The following MLLT3 variants were observed in gnomAD, a reference collection of about 807,000 sequenced individuals.
MLLT3 encodes the protein protein AF-9.
MLLT3 carries 4 observed loss-of-function variants against 53.2 expected under a neutral mutation model. That is an observed-to-expected ratio of 0.08 (90% confidence interval 0.04 to 0.17). The LOEUF is 0.17. Ranked by LOEUF, MLLT3 falls within the 10% of genes least tolerant of loss-of-function variation. The pLI is 1.00. For synonymous variants in MLLT3, 283 were observed against 230.6 expected (o/e 1.23, Z -2.06); for missense variants, 569 against 684.0 (o/e 0.83, Z 1.87).
chr9:20,582,639 A>T (rs1204367254), intron 2 of MLLT3, among the ~76,000 whole-genome samples: 1 of 152,152 alleles, frequency 6.6e-6, no homozygotes, highest in South Asian at 2.1e-4. Flanking sequence ...ATGGCTGCGG[A>T]GGCCTCAGAA....
intron 4 of MLLT3, among the ~76,000 whole-genome samples, chr9:20,433,934 G>T (rs990394190): frequency 1.3e-4 from 20 of 149,374 alleles, no homozygotes; most frequent in African/African-American, 4.8e-4. Flanking sequence ...CCAACATGAT[G>T]AAACCCTGTC....
chr9:20,570,527 T>A (rs115531089), intron 2 of MLLT3, among the ~76,000 whole-genome samples: 2,676 of 152,302 alleles, frequency 0.018, 76 homozygotes, highest in African/African-American at 0.06. Context: ...TATTTTTGTT[T>A]AAATGAGATT....
rs187459694 is a variant in MLLT3, at chr9:20,610,957, T to C, written c.193+9697A>G. Among the ~76,000 whole-genome samples, 31 of 152,266 alleles carry C rather than the reference T, an allele frequency of 2.0e-4. No homozygotes were observed. The East Asian group carries it at 2.5e-3, about 12-fold the overall frequency. On this transcript the variant is annotated intron_variant, in intron 2 of 10. Transcript: ENST00000380338. Reference sequence around the variant, plus strand: ...AACAGCCCAAATCCCCCATGTTTCATTGACTCTATAAAACAGCTGCTTATT... The same window carrying C: ...AACAGCCCAAATCCCCCATGTTTCACTGACTCTATAAAACAGCTGCTTATT...
rs1283715083 is a variant in MLLT3, at chr9:20,576,005, T to G, written c.193+44649A>C. Among the ~76,000 whole-genome samples the G allele has an allele frequency of 2.6e-5, 4 of 152,250 alleles. No individual in the cohort carries two copies. The East Asian group carries it at 7.7e-4, about 29-fold the overall frequency. On this transcript the variant is annotated intron_variant, in intron 2 of 10. Transcript: ENST00000380338. Reference sequence around the variant, plus strand: ...GGCCGTTTCACCTACATTGAAAATCTGTTGTTTAGTGTAGCCACCTTCCTC... The same window carrying G: ...GGCCGTTTCACCTACATTGAAAATCGGTTGTTTAGTGTAGCCACCTTCCTC...
At chr9:20,514,141 G>A (rs891300581) in intron 2 of MLLT3, among the ~76,000 whole-genome samples, 8 of 152,204 alleles carry the variant, frequency 5.3e-5, no homozygotes, top group Non-Finnish European at 7.3e-5. Flanking sequence ...AACTCATTCC[G>A]GATTTTCCTT....
In MLLT3 at chr9:20,622,457, A is replaced by AAGC. The variant is rs553374979; in HGVS notation, c.-204_-202dup. On this transcript the variant is annotated 5_prime_UTR_variant, in exon 1 of 11. Transcript: ENST00000380338. The stretch of plus-strand genomic sequence containing the variant: ...TTATTAAACTCAGCCCCAAAAGCAA[A>AAGC]AGCAGCAGCAGCAGCAGCAGCTCCA... The AAGC allele has an allele frequency of 1.3e-4, 70 of 534,658 alleles. No individual in the cohort carries two copies. The Middle Eastern group carries it at 1.7e-3, about 13-fold the overall frequency. The allele number at this position is 534,658 out of a possible 1,614,324, so 33.1% of individuals were successfully genotyped here.
At chr9:20,585,659 T>C (rs1433138126) in intron 2 of MLLT3, among the ~76,000 whole-genome samples, 1 of 152,312 alleles carries the variant, frequency 6.6e-6, no homozygotes, top group East Asian at 1.9e-4. Context: ...TCTAATGACG[T>C]GATATTGAGC....
rs1318822432 is a variant in MLLT3 at position 20,598,887 on chromosome 9, C to G, written c.193+21767G>C. Reference sequence around the variant, plus strand: ...AGAGTTACTTTCCTCAAACCCTATTCTGCTGCTTTAGGCTTCTGATTAGGT... The same window carrying G: ...AGAGTTACTTTCCTCAAACCCTATTGTGCTGCTTTAGGCTTCTGATTAGGT... On this transcript the variant is annotated intron_variant, in intron 2 of 10. Transcript: ENST00000380338. Among the ~76,000 whole-genome samples, 4 of 152,184 alleles carry G rather than the reference C, an allele frequency of 2.6e-5. No individual in the cohort carries two copies. The South Asian group carries it at 6.2e-4, about 24-fold the overall frequency.
At chr9:20,455,927 CTTTTTTTTTT>C (rs780438955) in intron 3 of MLLT3, among the ~76,000 whole-genome samples, 1 of 116,874 alleles carries the variant, frequency 8.6e-6, no homozygotes, top group African/African-American at 3.3e-5. Flanking sequence ...CTGCTAAAAA[CTTTTTTTTTT>C]TTTTTTTTTT....
rs150296751 is a variant in MLLT3, at chr9:20,383,554, C to T, written c.1126-17810G>A. ...GTAATAGTGGTACCAATTCATATCG[C>T]TAATGTTAGAATGTTGACAACGCAA... On this transcript the variant is annotated intron_variant, in intron 5 of 10. Transcript: ENST00000380338. Among the ~76,000 whole-genome samples the T allele has an allele frequency of 5.8e-3, 879 of 151,908 alleles. 3 individuals carry two copies. Among genetic ancestry groups the T allele is most frequent in the Middle Eastern group, 0.017 (5 of 294 alleles).
At chr9:20,352,410 C>T (rs117375258) in intron 10 of MLLT3, among the ~76,000 whole-genome samples, 16 of 152,236 alleles carry the variant, frequency 1.1e-4, no homozygotes, top group African/African-American at 2.4e-4. Context: ...GGTAAAACAA[C>T]GTTCGGTTCT....
At chr9:20,457,301 T>C (rs1041722331) in intron 2 of MLLT3, among the ~76,000 whole-genome samples, 1 of 136,924 alleles carries the variant, frequency 7.3e-6, no homozygotes, top group Non-Finnish European at 1.5e-5. Context: ...CAGGCTGGAG[T>C]GCAATGGTGT....
chr9:20,366,506 C>T (rs932713569), intron 5 of MLLT3, among the ~76,000 whole-genome samples: 6 of 152,120 alleles, frequency 3.9e-5, no homozygotes, highest in East Asian at 1.9e-4. Context: ...AATAAACATA[C>T]GTGTGCATGT....
At chr9:20,368,996 A>G (rs1186962007) in intron 5 of MLLT3, among the ~76,000 whole-genome samples, 3 of 152,222 alleles carry the variant, frequency 2.0e-5, no homozygotes, top group Non-Finnish European at 4.4e-5. Context: ...GGACAACAGA[A>G]TGACAGGAGG....
chr9:20,576,639 C>A (rs75134688), intron 2 of MLLT3, among the ~76,000 whole-genome samples: 1 of 151,964 alleles, frequency 6.6e-6, no homozygotes, highest in Non-Finnish European at 1.5e-5. Context: ...TATATGGGCA[C>A]GCTTCATGGC....
intron 2 of MLLT3, among the ~76,000 whole-genome samples, chr9:20,597,278 T>C (rs1490128129): frequency 6.6e-6 from 1 of 152,026 alleles, no homozygotes; most frequent in Non-Finnish European, 1.5e-5. Context: ...TGAAGTACTT[T>C]TATTTATCTA....
At chr9:20,386,540 A>G (rs1822041165) in intron 5 of MLLT3, among the ~76,000 whole-genome samples, 1 of 152,228 alleles carries the variant, frequency 6.6e-6, no homozygotes, top group African/African-American at 2.4e-5. Flanking sequence ...GGAGTAATGA[A>G]CATTGCAGAA....
chr9:20,555,544 A>G (rs1362262422), intron 2 of MLLT3, among the ~76,000 whole-genome samples: 1 of 152,218 alleles, frequency 6.6e-6, no homozygotes, highest in Middle Eastern at 3.2e-3. Context: ...AAACCGGGCT[A>G]TGTATAACAT....
rs73648235 is a variant in MLLT3 at position 20,603,290 on chromosome 9, A to C, written c.193+17364T>G. 7.6e-3 allele frequency among the ~76,000 whole-genome samples: 1,153 copies of C among 152,210 alleles called. 16 individuals carry two copies. The highest frequency in any genetic ancestry group is 0.026 in the African/African-American group (1,079 of 41,554). ...ATAGGTTAGCCTTCTATTTATAACC[A>C]GAAAACTTAGAGCCACCTGTTTCAG... is the stretch of plus-strand genomic sequence containing the variant. On this transcript the variant is annotated intron_variant, in intron 2 of 10. Coordinates refer to ENST00000380338, the MANE Select transcript of MLLT3 (RefSeq NM_004529.4).
Sources: gnomAD v4.1 joint callset for allele counts (sites outside exome capture counted in the v4.1 genomes callset) on GRCh38, gnomAD v4.1.1 for gene constraint, MANE v1.5 for transcripts, NCBI Gene and HGNC (gene_info 2026-07-23, HGNC 2026-07-21) for gene names.